The following GPATCH2L variants were observed in gnomAD, a reference collection of about 807,000 sequenced individuals.
The protein encoded by GPATCH2L is G patch domain-containing protein 2-like.
Under a neutral mutation model 57.4 loss-of-function variants are expected in GPATCH2L, and 31 were observed. That is an observed-to-expected ratio of 0.54 (90% confidence interval 0.41 to 0.73). The LOEUF is 0.73. Among genes scored for constraint, GPATCH2L ranks in the 30% least tolerant of loss-of-function variants. The pLI, the probability that GPATCH2L is intolerant of heterozygous loss-of-function variation, is 0.00. For missense variants in GPATCH2L, 481 were observed against 599.9 expected (o/e 0.80, Z 2.07); for synonymous variants, 199 against 210.7 (o/e 0.94, Z 0.48).
At chr14:76,219,680 A>G (rs2040505581) in intron 1 of GPATCH2L, among the ~76,000 whole-genome samples, 1 of 152,200 alleles carries the variant, frequency 6.6e-6, no homozygotes, top group African/African-American at 2.4e-5. Flanking sequence ...CAGGTCATAC[A>G]TACAGACAGA....
At chr14:76,170,420 T>C (rs1277438936) in intron 3 of GPATCH2L, among the ~76,000 whole-genome samples, 1 of 152,192 alleles carries the variant, frequency 6.6e-6, no homozygotes, top group Non-Finnish European at 1.5e-5. Flanking sequence ...TAGTGGAAAC[T>C]GAGATACTAT....
At chr14:76,157,309 A>G (rs939248681) in intron 2 of GPATCH2L, among the ~76,000 whole-genome samples, 6 of 152,248 alleles carry the variant, frequency 3.9e-5, no homozygotes, top group Admixed American at 2.6e-4. Context: ...CCTCTCTTCA[A>G]GAGGAGAGTG....
intron 1 of GPATCH2L, among the ~76,000 whole-genome samples, chr14:76,152,289 C>G (rs1468297940): frequency 6.6e-6 from 1 of 150,638 alleles, no homozygotes; most frequent in Non-Finnish European, 1.5e-5. Context: ...CCCTCAGGGA[C>G]GGGCCGGGGC....
intron 9 of GPATCH2L, 58 bp downstream of exon 9, chr14:76,196,030 T>G: frequency 8.1e-7 from 1 of 1,230,342 alleles, no homozygotes; most frequent in Non-Finnish European, 1.2e-6. Flanking sequence ...CACTAAATTA[T>G]GTGTTTTGTA....
rs2039186069 is a variant in GPATCH2L at position 76,173,595 on chromosome 14, C to T, written c.954C>T (p.Leu318=). The change falls in exon 5 of 10, where the codon CTC becomes CTT. Residue 318 remains leucine (L), a synonymous_variant. Transcript: ENST00000261530. ...NRLPGAAARC[L]RKGRRRLVGK... is the part of the protein sequence containing the mutation. The stretch of plus-strand genomic sequence containing the variant: ...TACCTGGAGCTGCAGCTCGATGCCT[C>T]AGAAAGGGGCGAAGAAGGCTGGTTG... 6.2e-7 allele frequency: 1 copy of T among 1,612,906 alleles called. No individual in the cohort carries two copies.
At chr14:76,175,456 A>C (rs894301445) in intron 5 of GPATCH2L, 1 of 147,882 alleles carries the variant, frequency 6.8e-6, no homozygotes, top group Non-Finnish European at 1.5e-5. Context: ...CCTGCCAGTG[A>C]GCTGCTAATT....
At chr14:76,177,202 C>T (rs1385847432) in intron 6 of GPATCH2L, among the ~76,000 whole-genome samples, 5 of 152,032 alleles carry the variant, frequency 3.3e-5, no homozygotes, top group East Asian at 3.9e-4. Flanking sequence ...CATGCTGCTG[C>T]GCCTGTCTAA....
At chr14:76,195,755 C>T (rs942240997) in intron 8 of GPATCH2L, 123 bp from the exon 9 acceptor site, 1 of 726,196 alleles carries the variant, frequency 1.4e-6, no homozygotes, top group African/African-American at 1.7e-5. Flanking sequence ...TGCTTAATGG[C>T]AAAAGATGGT....
chr14:76,170,997 T>C (rs2039057804), intron 3 of GPATCH2L, among the ~76,000 whole-genome samples: 1 of 152,114 alleles, frequency 6.6e-6, no homozygotes, highest in African/African-American at 2.4e-5. Context: ...CCTGGTAGGT[T>C]GTAAGGGTTT....
rs1372539411 is a variant in GPATCH2L, at chr14:76,210,948, GAAGAGACCAGAAAAA to G, written c.*9101_*9115del. On this transcript the variant is annotated 3_prime_UTR_variant, in exon 10 of 10. Coordinates refer to ENST00000261530, the MANE Select transcript of GPATCH2L (RefSeq NM_017926.4). ...CTCATGATGTTCATGGTCTTCTGCG[GAAGAGACCAGAAAAA>G]AAGTATTACAATGTAGAATGAAATA... 6.6e-6 allele frequency: 1 copy of G among 152,170 alleles called. No homozygotes were observed. The highest frequency in any genetic ancestry group is 1.5e-5 in the Non-Finnish European group (1 of 68,032). The allele number at this position is 152,170 out of a possible 1,614,324, so 9.4% of individuals were successfully genotyped here. A position where few individuals can be genotyped will look rare whatever the true frequency, so the allele number is the denominator to read the frequency against.
intron 2 of GPATCH2L, among the ~76,000 whole-genome samples, chr14:76,232,166 C>T (rs2040574938): frequency 6.6e-6 from 1 of 152,218 alleles, no homozygotes. Flanking sequence ...CCTTCCTCGG[C>T]CTCCCAAAAT....
chr14:76,187,313 G>A (rs192203034), intron 8 of GPATCH2L, among the ~76,000 whole-genome samples: 1 of 152,086 alleles, frequency 6.6e-6, no homozygotes, highest in African/African-American at 2.4e-5. Flanking sequence ...TTCCTACTGT[G>A]TTGTGAGCTC....
intron 6 of GPATCH2L, among the ~76,000 whole-genome samples, chr14:76,177,480 A>G (rs1157943023): frequency 1.3e-5 from 2 of 151,684 alleles, no homozygotes; most frequent in East Asian, 3.9e-4. Flanking sequence ...TATATCTTGT[A>G]TGCATCATGG....
chr14:76,218,199 T>C (rs1378551647), downstream of GPATCH2L, among the ~76,000 whole-genome samples: 15 of 152,174 alleles, frequency 9.9e-5, no homozygotes. Context: ...TTAAAAATGT[T>C]CTGTAAGACT....
At chr14:76,173,971 C>T (rs2039206148) in intron 5 of GPATCH2L, 1 of 339,496 alleles carries the variant, frequency 2.9e-6, no homozygotes, top group African/African-American at 2.1e-5. Context: ...CTTTATGACT[C>T]CTCTTGAATT....
chr14:76,228,310 G>A (rs147292250), intron 1 of GPATCH2L, among the ~76,000 whole-genome samples: 21 of 152,256 alleles, frequency 1.4e-4, no homozygotes, highest in East Asian at 1.2e-3. Context: ...TTGGGGGAAG[G>A]GGGAACATAA....
intron 2 of GPATCH2L, among the ~76,000 whole-genome samples, chr14:76,159,995 G>A (rs910890631): frequency 1.1e-4 from 16 of 152,094 alleles, no homozygotes; most frequent in South Asian, 2.1e-4. Context: ...TAGCCTTGGC[G>A]TGGTGGTGGA....
At chr14:76,176,037 A>G (rs1465624690) in intron 5 of GPATCH2L, 1 of 152,180 alleles carries the variant, frequency 6.6e-6, no homozygotes, top group Non-Finnish European at 1.5e-5. Flanking sequence ...GAGAACCCTG[A>G]ATTTAGGAAT....
downstream of GPATCH2L, chr14:76,214,456 AT>A (rs2040474861): frequency 6.6e-6 from 1 of 152,256 alleles, no homozygotes; most frequent in African/African-American, 2.4e-5. Flanking sequence ...TTTTAAAAAA[AT>A]AAACAACAGA....
Sources: allele counts gnomAD v4.1 joint callset (sites outside exome capture counted in the v4.1 genomes callset), GRCh38; gene constraint gnomAD v4.1.1; transcripts MANE v1.5; gene names NCBI Gene and HGNC (gene_info 2026-07-23, HGNC 2026-07-21).